Variants in LRP2 observed in about 807,000 individuals in gnomAD.
LRP2 encodes the protein low-density lipoprotein receptor-related protein 2.
In LRP2, 172 loss-of-function variants were observed where a neutral mutation model predicts 531.0. The ratio of observed to expected loss-of-function variants is 0.32; its 90% confidence interval spans 0.29 to 0.37. The LOEUF is 0.37. Ranked by LOEUF, LRP2 falls within the 10% of genes least tolerant of loss-of-function variation. The pLI is 1.00. For synonymous variants in LRP2, 1,992 were observed against 2,027.6 expected, an observed-to-expected ratio of 0.98 and a Z score of 0.47; for missense variants, 5,167 against 5,868.3, an observed-to-expected ratio of 0.88 and a Z score of 3.90.
At chr2:169,241,615 G>C (rs1689809166) in intron 24 of LRP2, among the ~76,000 whole-genome samples, 1 of 152,188 alleles carries the variant, frequency 6.6e-6, no homozygotes, top group Non-Finnish European at 1.5e-5. Flanking sequence ...ACTAGCAGAT[G>C]AGTACCTGTG....
chr2:169,204,545 A>C lies in LRP2; in HGVS notation c.7716-274T>G, dbSNP rs76722747. Among the ~76,000 whole-genome samples, 837 of 152,328 alleles carry C rather than the reference A, an allele frequency of 5.5e-3. 12 individuals carry two copies. The highest frequency in any genetic ancestry group is 0.019 in the African/African-American group (783 of 41,562). ...TATTAGAAACAGGAAAACATGAAAT[A>C]ATCCATGTAATGCATGGAACTCAGT... On this transcript the variant is annotated intron_variant, in intron 41 of 78. Coordinates refer to ENST00000649046, the MANE Select transcript of LRP2 (RefSeq NM_004525.3).
chr2:169,286,944 G>A (rs1354105693), intron 9 of LRP2, among the ~76,000 whole-genome samples: 1 of 152,174 alleles, frequency 6.6e-6, no homozygotes, highest in Non-Finnish European at 1.5e-5. Flanking sequence ...GAACTAAAAG[G>A]CTGGGAATGG....
intron 65 of LRP2, among the ~76,000 whole-genome samples, chr2:169,154,895 G>T (rs80160469): frequency 6.6e-6 from 1 of 152,094 alleles, no homozygotes; most frequent in South Asian, 2.1e-4. Context: ...AGAACCCTAC[G>T]TACAGTCCTC....
chr2:169,327,471 G>C, intron 1 of LRP2, among the ~76,000 whole-genome samples: 1 of 106,192 alleles, frequency 9.4e-6, no homozygotes, highest in South Asian at 3.2e-4. Flanking sequence ...CAGCCGCCCC[G>C]TCTGGGAGGG....
At chr2:169,353,796 G>A (rs1685919011) in intron 1 of LRP2, among the ~76,000 whole-genome samples, 1 of 152,160 alleles carries the variant, frequency 6.6e-6, no homozygotes, top group African/African-American at 2.4e-5. Flanking sequence ...TTTGAGGCCA[G>A]CCTGAACAAC....
intron 21 of LRP2, among the ~76,000 whole-genome samples, chr2:169,246,464 C>A (rs902519267): frequency 1.3e-5 from 2 of 152,114 alleles, no homozygotes; most frequent in African/African-American, 4.8e-5. Context: ...TTGGTCCAAA[C>A]AGCCAATGTC....
At chr2:169,205,452 C>A in intron 41 of LRP2, 27 bp downstream of exon 41, 1 of 1,613,612 alleles carries the variant, frequency 6.2e-7, no homozygotes, top group Non-Finnish European at 8.5e-7. Flanking sequence ...CTTCTTAACA[C>A]CCACATGAGT....
At chr2:169,341,389 CAG>C (rs1460445007) in intron 1 of LRP2, among the ~76,000 whole-genome samples, 1 of 152,126 alleles carries the variant, frequency 6.6e-6, no homozygotes, top group Non-Finnish European at 1.5e-5. Flanking sequence ...TAAGTGCCTC[CAG>C]AGTCAATTCA....
Position 169,163,808 on chromosome 2 carries a change from T to C in LRP2, c.11759-1208A>G, listed in dbSNP as rs988760616. On this transcript the variant is annotated intron_variant, in intron 62 of 78. Transcript: ENST00000649046. Reference sequence around the variant, plus strand: ...TGCCGTGCTGGCCCTAATGGTAGCATATTTCCCTTTCCCTCTTCATTTGCA... The same window carrying C: ...TGCCGTGCTGGCCCTAATGGTAGCACATTTCCCTTTCCCTCTTCATTTGCA... 3.3e-5 allele frequency among the ~76,000 whole-genome samples: 5 copies of C among 152,246 alleles called. No individual in the cohort carries two copies. The East Asian group carries it at 9.7e-4, about 29-fold the overall frequency.
At chr2:169,135,401 C>T (rs1558970194) in intron 76 of LRP2, among the ~76,000 whole-genome samples, 1 of 152,308 alleles carries the variant, frequency 6.6e-6, no homozygotes, top group South Asian at 2.1e-4. Context: ...GCCTTTCCCA[C>T]AGGGTCTGAG....
chr2:169,222,434 A>G (rs1027641809), intron 33 of LRP2, among the ~76,000 whole-genome samples: 2 of 152,176 alleles, frequency 1.3e-5, no homozygotes, highest in African/African-American at 4.8e-5. Flanking sequence ...CAGTCATAAA[A>G]TGCATTTCCA....
intron 47 of LRP2, among the ~76,000 whole-genome samples, chr2:169,192,752 AGAT>A (rs775676026): frequency 2.0e-5 from 3 of 152,188 alleles, no homozygotes; most frequent in Admixed American, 6.5e-5. Context: ...AAAAGAAAGA[AGAT>A]GATGTTGGTA....
chr2:169,291,679 C>T (rs1371120289), intron 7 of LRP2, among the ~76,000 whole-genome samples: 1 of 141,114 alleles, frequency 7.1e-6, no homozygotes, highest in Non-Finnish European at 1.5e-5. Flanking sequence ...TTAAGCACTT[C>T]CCTGGATAGT....
At chr2:169,317,690 T>C (rs984065791) in intron 3 of LRP2, among the ~76,000 whole-genome samples, 5 of 152,158 alleles carry the variant, frequency 3.3e-5, no homozygotes, top group African/African-American at 1.2e-4. Context: ...TATACAAATA[T>C]CCTTAATAGA....
intron 26 of LRP2, among the ~76,000 whole-genome samples, chr2:169,239,300 T>C (rs141085109): frequency 6.6e-6 from 1 of 152,316 alleles, no homozygotes; most frequent in African/African-American, 2.4e-5. Flanking sequence ...TAAAAATCAT[T>C]GACTTGTATA....
intron 63 of LRP2, among the ~76,000 whole-genome samples, chr2:169,160,685 A>AAAAAAAAAACAAAAAAAAAAAAC (rs1553487410): frequency 1.7e-4 from 16 of 94,280 alleles, no homozygotes; most frequent in African/African-American, 5.5e-4. Context: ...ATTTCCTTAA[A>AAAAAAAAAACAAAAAAAAAAAAC]AAAAAAAAAA....
At chr2:169,227,591 TC>T (rs1689249057) in intron 31 of LRP2, among the ~76,000 whole-genome samples, 1 of 152,222 alleles carries the variant, frequency 6.6e-6, no homozygotes, top group Non-Finnish European at 1.5e-5. Context: ...AAATGATTAA[TC>T]ATTACACAAC....
chr2:169,315,451 T>C (rs1316377054), intron 3 of LRP2, among the ~76,000 whole-genome samples: 1 of 152,128 alleles, frequency 6.6e-6, no homozygotes, highest in African/African-American at 2.4e-5. Context: ...AGCAGTCAGG[T>C]AGGCCAAAAG....
chr2:169,156,230 T>C (rs1330703231), intron 65 of LRP2, 44 bp downstream of exon 65: 3 of 1,612,492 alleles, frequency 1.9e-6, no homozygotes, highest in African/African-American at 2.7e-5. Flanking sequence ...TAGCAGTATT[T>C]ATTTCCCCAA....
Sources: allele counts gnomAD v4.1 joint callset (sites outside exome capture counted in the v4.1 genomes callset), GRCh38; gene constraint gnomAD v4.1.1; transcripts MANE v1.5; gene names NCBI Gene and HGNC (gene_info 2026-07-23, HGNC 2026-07-21).